The following MTBP variants were observed in gnomAD, a reference collection of about 807,000 sequenced individuals.
MTBP encodes the protein mdm2-binding protein.
In MTBP, 101 loss-of-function variants were observed where a neutral mutation model predicts 117.0. That is an observed-to-expected ratio of 0.86 (90% CI 0.73 to 1.02). MTBP has a LOEUF of 1.02. Among genes scored for constraint, MTBP ranks in the 50% least tolerant of loss-of-function variants. MTBP has a pLI of 0.00. For missense variants in MTBP, 970 were observed against 1,030.9 expected, an observed-to-expected ratio of 0.94 and a Z score of 0.81; for synonymous variants, 350 against 351.5, an observed-to-expected ratio of 1.00 and a Z score of 0.05.
At chr8:120,478,080 A>T (rs534973744) in intron 11 of MTBP, among the ~76,000 whole-genome samples, 2 of 152,378 alleles carry the variant, frequency 1.3e-5, no homozygotes, top group Admixed American at 1.3e-4. Context: ...GCCATAAAAA[A>T]GAATGAGTTC....
At chr8:120,458,847 CAAA>C (rs5894523) in intron 7 of MTBP, among the ~76,000 whole-genome samples, 55 of 111,958 alleles carry the variant, frequency 4.9e-4, no homozygotes, top group Non-Finnish European at 4.3e-4. Context: ...ATCTCAAAGC[CAAA>C]AAAAAAAAAA....
intron 10 of MTBP, among the ~76,000 whole-genome samples, chr8:120,466,211 CTTTTTT>C (rs33994178): frequency 7.8e-6 from 1 of 128,116 alleles, no homozygotes; most frequent in Non-Finnish European, 1.6e-5. Context: ...GTTTTTTACT[CTTTTTT>C]TTTTTTTTTT....
chr8:120,511,389 G>A (rs1480791295), intron 17 of MTBP, among the ~76,000 whole-genome samples: 6 of 152,130 alleles, frequency 3.9e-5, no homozygotes, highest in Non-Finnish European at 7.4e-5. Flanking sequence ...TCCGTTTCCC[G>A]GGTTCAAGTG....
At chr8:120,475,541 A>G (rs967873306) in intron 11 of MTBP, among the ~76,000 whole-genome samples, 4 of 151,946 alleles carry the variant, frequency 2.6e-5, no homozygotes, top group African/African-American at 9.7e-5. Context: ...GTTTTTTTAT[A>G]TATCAAAAAT....
At chr8:120,522,804 A>G in intron 21 of MTBP, 85 bp downstream of exon 21, 1 of 1,014,146 alleles carries the variant, frequency 9.9e-7, no homozygotes, top group East Asian at 2.6e-5. Flanking sequence ...TATATGCAGC[A>G]GTAATCAGTT....
intron 11 of MTBP, among the ~76,000 whole-genome samples, chr8:120,476,802 A>T (rs999900371): frequency 2.6e-5 from 4 of 152,214 alleles, no homozygotes; most frequent in African/African-American, 9.6e-5. Flanking sequence ...AGGTAGAATC[A>T]ATACCGTGAA....
intron 10 of MTBP, among the ~76,000 whole-genome samples, chr8:120,464,393 A>G (rs1439622829): frequency 6.6e-6 from 1 of 151,878 alleles, no homozygotes; most frequent in Non-Finnish European, 1.5e-5. Context: ...TTTTCTAGTT[A>G]TTTATTCAAC....
intron 20 of MTBP, among the ~76,000 whole-genome samples, chr8:120,519,253 G>A (rs1168458860): frequency 6.6e-6 from 1 of 150,942 alleles, no homozygotes; most frequent in Non-Finnish European, 1.5e-5. Flanking sequence ...ATGGGAAAAT[G>A]TGCATAGGAT....
rs1204836592 is a variant in MTBP, at chr8:120,459,242, T to C, written c.775T>C (p.Phe259Leu). The change falls in exon 8 of 22, where the codon TTT becomes CTT. Residue 259 changes from phenylalanine (F) to leucine (L), a missense_variant. Coordinates refer to ENST00000305949, the MANE Select transcript of MTBP (RefSeq NM_022045.5). ...TGGATTTGAAATTAGTTTTCCTGAA[T>C]TTTGTTTAAAGGGAGTCACACTTAA... ...KFGFEISFPE[F>L]CLKGVTLKNF... 5 of 1,609,536 alleles carry C rather than the reference T, an allele frequency of 3.1e-6. No homozygotes were observed. The highest frequency in any genetic ancestry group is 4.2e-6 in the Non-Finnish European group (5 of 1,178,138).
At chr8:120,495,099 C>G (rs1283726373) in intron 13 of MTBP, among the ~76,000 whole-genome samples, 1 of 151,762 alleles carries the variant, frequency 6.6e-6, no homozygotes, top group African/African-American at 2.4e-5. Context: ...TGGATTATGC[C>G]TTTGTTTGGT....
At chr8:120,470,972 C>T (rs1441103199) in intron 11 of MTBP, 35 bp downstream of exon 11, 10 of 1,349,272 alleles carry the variant, frequency 7.4e-6, no homozygotes, top group African/African-American at 1.4e-5. Flanking sequence ...TTTAATGATG[C>T]AGCATAGTTA....
At chr8:120,495,505 AT>A (rs936040038) in intron 13 of MTBP, among the ~76,000 whole-genome samples, 9 of 151,284 alleles carry the variant, frequency 5.9e-5, no homozygotes, top group African/African-American at 1.2e-4. Context: ...TGAAATCTGA[AT>A]TTTTTTTTAT....
chr8:120,501,433 C>T (rs1280108974), intron 14 of MTBP, among the ~76,000 whole-genome samples: 2 of 150,974 alleles, frequency 1.3e-5, no homozygotes, highest in South Asian at 2.1e-4. Context: ...CCTGTAATCC[C>T]AGCTACTTGG....
At chr8:120,512,038 TC>T (rs1291226187) in intron 17 of MTBP, among the ~76,000 whole-genome samples, 1 of 152,170 alleles carries the variant, frequency 6.6e-6, no homozygotes, top group Non-Finnish European at 1.5e-5. Flanking sequence ...TAAAGCAGTA[TC>T]TCCCCCACTT....
chr8:120,517,754 C>T, intron 18 of MTBP, 97 bp from the exon 19 acceptor site: 1 of 1,248,282 alleles, frequency 8.0e-7, no homozygotes, highest in Non-Finnish European at 1.1e-6. Context: ...GATGTTGATT[C>T]ACTTAATGGA....
intron 14 of MTBP, among the ~76,000 whole-genome samples, chr8:120,501,477 A>T (rs1240657561): frequency 6.6e-6 from 1 of 151,876 alleles, no homozygotes; most frequent in Non-Finnish European, 1.5e-5. Flanking sequence ...TGAACCCAGG[A>T]GGCAGAGGTT....
chr8:120,504,225 G>A (rs909143949), intron 15 of MTBP, among the ~76,000 whole-genome samples: 1 of 152,104 alleles, frequency 6.6e-6, no homozygotes, highest in Non-Finnish European at 1.5e-5. Flanking sequence ...AAAAGGACAG[G>A]TTCCCCATGA....
intron 15 of MTBP, among the ~76,000 whole-genome samples, chr8:120,506,225 T>G (rs2130607213): frequency 6.6e-6 from 1 of 152,248 alleles, no homozygotes; most frequent in East Asian, 1.9e-4. Context: ...TTGGGGAGAT[T>G]TCTGATTATT....
intron 13 of MTBP, among the ~76,000 whole-genome samples, chr8:120,493,495 ATT>A (rs201484057): frequency 4.7e-5 from 7 of 149,418 alleles, no homozygotes; most frequent in South Asian, 4.3e-4. Context: ...TATATATATA[ATT>A]TTTTTTTTTT....
Sources: gnomAD v4.1 joint callset for allele counts (sites outside exome capture counted in the v4.1 genomes callset) on GRCh38, gnomAD v4.1.1 for gene constraint, MANE v1.5 for transcripts, NCBI Gene and HGNC (gene_info 2026-07-23, HGNC 2026-07-21) for gene names.